The following CFAP92 variants were observed in gnomAD, a reference collection of about 807,000 sequenced individuals.
CFAP92 encodes cilia and flagella associated protein 92 (putative).
In CFAP92, 86 loss-of-function variants were observed where a neutral mutation model predicts 106.3. The ratio of observed to expected loss-of-function variants is 0.81; its 90% CI spans 0.68 to 0.97. The LOEUF (loss-of-function observed/expected upper bound fraction) is 0.97. Ranked by LOEUF, CFAP92 falls within the 50% of genes least tolerant of loss-of-function variation. The pLI, the probability that CFAP92 is intolerant of heterozygous loss-of-function variation, is 0.00. For missense variants in CFAP92, 1,204 were observed against 1,283.8 expected (o/e 0.94, Z 0.95); for synonymous variants, 477 against 506.4 (o/e 0.94, Z 0.78).
chr3:128,935,266 A>G lies in CFAP92; in HGVS notation c.2312T>C (p.Leu771Pro), dbSNP rs1215947799. ...KYKVLYNSQL[L>P]FRSRLYGDLE... is the part of the protein sequence containing the mutation. ...GTCCCCATAGAGCCGGCTGCGGAAC[A>G]GCAGCTGTGAGTTGTACAGCACCTT... Residue 771 changes from leucine (L) to proline (P), a missense_variant, in exon 11 of 16, where the codon CTG becomes CCG. By Grantham distance (98) the Leu-to-Pro change is moderately conservative (BLOSUM62 -3). Transcript: ENST00000645291. 2 of 1,535,962 alleles carry G rather than the reference A, an allele frequency of 1.3e-6. No homozygotes were observed. Among genetic ancestry groups the G allele is most frequent in the South Asian group, 2.4e-5 (2 of 84,050 alleles).
intron 15 of CFAP92, chr3:128,912,802 G>A: frequency 1.4e-6 from 1 of 729,398 alleles, no homozygotes; most frequent in Non-Finnish European, 2.5e-6. Context: ...CTCTCTAACA[G>A]GACCATCACA....
upstream of CFAP92, among the ~76,000 whole-genome samples, chr3:129,005,642 ATCC>A (rs1945040364): frequency 6.6e-6 from 1 of 152,220 alleles, no homozygotes; most frequent in East Asian, 1.9e-4. Flanking sequence ...GCCATCCCTG[ATCC>A]TGAGAGGAAG....
chr3:128,988,022 C>T (rs1285562444), intron 3 of CFAP92, among the ~76,000 whole-genome samples, 193 bp from the exon 4 acceptor site: 1 of 152,176 alleles, frequency 6.6e-6, no homozygotes, highest in Non-Finnish European at 1.5e-5. Context: ...TTTTGAATTC[C>T]TTAGGAAGAA....
chr3:128,914,729 T>G (rs1936665592), intron 15 of CFAP92: 1 of 178,510 alleles, frequency 5.6e-6, no homozygotes, highest in Non-Finnish European at 1.2e-5. Flanking sequence ...TCTTTGCCGC[T>G]GGAAGGTCCC....
chr3:128,986,684 G>C (rs1436389620), intron 4 of CFAP92, among the ~76,000 whole-genome samples: 1 of 152,148 alleles, frequency 6.6e-6, no homozygotes, highest in Non-Finnish European at 1.5e-5. Flanking sequence ...CCTGCCTCCA[G>C]TATTCCAGTG....
chr3:128,921,799 C>T (rs1937312008), intron 12 of CFAP92, among the ~76,000 whole-genome samples: 1 of 152,164 alleles, frequency 6.6e-6, no homozygotes, highest in Non-Finnish European at 1.5e-5. Flanking sequence ...CAAACCAAGG[C>T]ATATCCGGCA....
At chr3:129,015,573 A>T in the CFAP92 span, among the ~76,000 whole-genome samples, 11 of 77,590 alleles carry the variant, frequency 1.4e-4, no homozygotes, top group African/African-American at 4.3e-4. Context: ...GCCCAGGCTG[A>T]CACCCTGCAC....
At chr3:129,025,958 T>C in the CFAP92 span, among the ~76,000 whole-genome samples, 4 of 152,244 alleles carry the variant, frequency 2.6e-5, no homozygotes, top group Non-Finnish European at 2.9e-5. Flanking sequence ...CCCTTGTGCC[T>C]GGCATGTGGG....
chr3:128,929,749 T>C (rs1177638196), intron 12 of CFAP92, among the ~76,000 whole-genome samples: 2 of 152,156 alleles, frequency 1.3e-5, no homozygotes, highest in East Asian at 3.8e-4. Flanking sequence ...AGTAGATCAG[T>C]GGTTATGTGG....
In CFAP92 at chr3:129,002,224, G is replaced by A. The variant is rs1419737790; in HGVS notation, n.117+350C>T. 7.8e-6 allele frequency: 12 copies of A among 1,528,744 alleles called. No homozygotes were observed. The Admixed American group carries it at 2.4e-4, about 30-fold the overall frequency. 94.7% of individuals were successfully genotyped at this position (1,528,744 alleles called of 1,614,324 possible). On this transcript the variant is annotated intron_variant and non_coding_transcript_variant, in intron 1 of 4. Coordinates refer to the CFAP92 transcript ENST00000510149. ...CCCGACAGCGGTCCTGACTGTGAGC[G>A]CGTTGCGCGGCTGGAGGAGGAGAAT...
intron 4 of CFAP92, among the ~76,000 whole-genome samples, chr3:128,979,976 G>T (rs1337913936): frequency 2.6e-5 from 3 of 114,476 alleles, no homozygotes; most frequent in Non-Finnish European, 5.9e-5. Flanking sequence ...ATATATAAAA[G>T]AAAAAAGAGA....
chr3:128,987,476 T>C, intron 4 of CFAP92, 140 bp downstream of exon 4: 2 of 692,026 alleles, frequency 2.9e-6, no homozygotes, highest in East Asian at 2.6e-5. Flanking sequence ...CATGGCCTGG[T>C]GGGATGCCCT....
At chr3:129,003,944 C>T (rs756652417), upstream of CFAP92, 6 of 1,405,654 alleles carry the variant, frequency 4.3e-6, no homozygotes, top group South Asian at 4.4e-5. Flanking sequence ...CGAGGTGCGG[C>T]GGCGCGCGGA....
In CFAP92 at chr3:128,994,025, G is replaced by C. The variant is rs1274510430; in HGVS notation, c.-78C>G. On this transcript the variant is annotated 5_prime_UTR_variant, in exon 1 of 16. Transcript: ENST00000645291. ...CGGCAGCGGGGAGTTGGACCGCGGC[G>C]GCAACTCCCGTACCGGATCCACAGC... 2.4e-5 allele frequency: 24 copies of C among 987,118 alleles called. No individual in the cohort carries two copies. The highest frequency in any genetic ancestry group is 2.9e-5 in the Non-Finnish European group (24 of 830,932). The allele number at this position is 987,118 out of a possible 1,614,324, so 61.1% of individuals were successfully genotyped here.
intron 9 of CFAP92, among the ~76,000 whole-genome samples, chr3:128,953,732 C>T (rs1941082402): frequency 7.7e-6 from 1 of 129,958 alleles, no homozygotes; most frequent in South Asian, 2.6e-4. Flanking sequence ...TCTCCTGCCT[C>T]AGCCTGCCGA....
chr3:128,941,442 T>C (rs1939615618), intron 10 of CFAP92, among the ~76,000 whole-genome samples: 1 of 152,194 alleles, frequency 6.6e-6, no homozygotes, highest in Non-Finnish European at 1.5e-5. Flanking sequence ...TACATTTTCT[T>C]CTGACTAATG....
intron 4 of CFAP92, among the ~76,000 whole-genome samples, chr3:128,986,518 CCTT>C (rs1041906195): frequency 5.9e-5 from 9 of 152,058 alleles, no homozygotes; most frequent in African/African-American, 2.2e-4. Flanking sequence ...ACTGTACCTG[CCTT>C]TTTTTAATTT....
rs541550926 is a variant in CFAP92, at chr3:128,945,573, T to A, written c.1756A>T (p.Ile586Phe). The change falls in exon 10 of 16, where the codon ATC (isoleucine) becomes TTC (phenylalanine). Residue 586 changes from isoleucine (I) to phenylalanine (F), a missense_variant. Transcript: ENST00000645291. The stretch of plus-strand genomic sequence containing the variant: ...GTGGGCTGAACCTCACAGCTGTGGA[T>A]GGGGACGGCCAGATTCAAGTACTTG... ...GHKYLNLAVP[I>F]HSCEVQPTHC... 2.6e-6 allele frequency: 4 copies of A among 1,536,116 alleles called. No individual in the cohort carries two copies. The African/African-American group carries it at 4.1e-5, about 16-fold the overall frequency.
At chr3:129,015,777 C>T in the CFAP92 span, among the ~76,000 whole-genome samples, 3 of 151,820 alleles carry the variant, frequency 2.0e-5, no homozygotes, top group Admixed American at 6.6e-5. Context: ...TGCTGCATCC[C>T]GCCCCCCTAC....
Sources: gnomAD v4.1 joint callset for allele counts (sites outside exome capture counted in the v4.1 genomes callset) on GRCh38, gnomAD v4.1.1 for gene constraint, MANE v1.5 for transcripts, NCBI Gene and HGNC (gene_info 2026-07-23, HGNC 2026-07-21) for gene names.